RABGAP1L: variants seen among roughly 807,000 people sequenced by gnomAD.
The protein encoded by RABGAP1L is rab GTPase-activating protein 1-like.
RABGAP1L carries 63 observed loss-of-function variants against 137.7 expected under a neutral mutation model. The observed-to-expected ratio is 0.46, with a 90% CI of 0.37 to 0.56. The LOEUF (loss-of-function observed/expected upper bound fraction) is 0.56. Among genes scored for constraint, RABGAP1L ranks in the 20% least tolerant of loss-of-function variants. RABGAP1L has a pLI of 0.00. For synonymous variants in RABGAP1L, 431 were observed against 433.7 expected, an observed-to-expected ratio of 0.99 and a Z score of 0.08; for missense variants, 1,095 against 1,244.0, an observed-to-expected ratio of 0.88 and a Z score of 1.80.
intron 13 of RABGAP1L, among the ~76,000 whole-genome samples, chr1:174,436,861 T>C (rs1184111619): frequency 6.6e-6 from 1 of 152,108 alleles, no homozygotes; most frequent in African/African-American, 2.4e-5. Context: ...GGTACTCCTC[T>C]GAGACAAAAC....
intron 12 of RABGAP1L, among the ~76,000 whole-genome samples, chr1:174,373,313 A>G (rs1031926937): frequency 1.3e-5 from 2 of 152,222 alleles, no homozygotes; most frequent in African/African-American, 4.8e-5. Flanking sequence ...AAGCATTTTA[A>G]TGCAGATAAT....
intron 18 of RABGAP1L, among the ~76,000 whole-genome samples, chr1:174,793,147 A>G (rs2148802655): frequency 6.6e-6 from 1 of 152,106 alleles, no homozygotes; most frequent in Non-Finnish European, 1.5e-5. Flanking sequence ...AAAAAAGAAA[A>G]AAAGAAAAAG....
At chr1:174,818,953 G>A (rs1573349313) in intron 19 of RABGAP1L, among the ~76,000 whole-genome samples, 2 of 151,990 alleles carry the variant, frequency 1.3e-5, no homozygotes, top group Non-Finnish European at 2.9e-5. Flanking sequence ...GGAGGCATGG[G>A]TTGCAGTGAG....
intron 7 of RABGAP1L, among the ~76,000 whole-genome samples, chr1:174,264,210 G>A (rs1458831682): frequency 6.6e-6 from 1 of 151,188 alleles, no homozygotes; most frequent in African/African-American, 2.4e-5. Context: ...TTATTTCCCT[G>A]GTATTTTTTA....
At chr1:174,622,556 G>T (rs577036400) in intron 13 of RABGAP1L, among the ~76,000 whole-genome samples, 46 of 152,172 alleles carry the variant, frequency 3.0e-4, no homozygotes, top group Non-Finnish European at 5.7e-4. Flanking sequence ...CCTTTGTAGG[G>T]ACATGGATGA....
At chr1:174,528,702 G>A (rs1045670597) in intron 13 of RABGAP1L, among the ~76,000 whole-genome samples, 3 of 150,984 alleles carry the variant, frequency 2.0e-5, no homozygotes, top group African/African-American at 7.3e-5. Context: ...ACCTTTTTAT[G>A]TTGTATCTGC....
Position 174,695,303 on chromosome 1 carries a change from TTTG to T in RABGAP1L, c.1900-4210_1900-4208del, listed in dbSNP as rs561583583. 5.9e-5 allele frequency among the ~76,000 whole-genome samples: 9 copies of T among 151,552 alleles called. No individual in the cohort carries two copies. The South Asian group carries it at 1.3e-3, about 21-fold the overall frequency. On this transcript the variant is annotated intron_variant, in intron 15 of 25. Coordinates refer to ENST00000681986, the MANE Select transcript of RABGAP1L (RefSeq NM_001366446.1). ...GCATGCCTAATGTCTTTTTATTCTTTTTGTTGTTGTTGTTTCTCCTCTGACTAT... is the reference window on the plus strand; with the variant it reads ...GCATGCCTAATGTCTTTTTATTCTTTTTGTTGTTGTTTCTCCTCTGACTAT...
chr1:174,596,045 T>C (rs1299960950), intron 13 of RABGAP1L, among the ~76,000 whole-genome samples: 5 of 110,792 alleles, frequency 4.5e-5, no homozygotes, highest in African/African-American at 2.0e-4. Context: ...AGGTGTGGGA[T>C]ATAGTCTCGT....
At chr1:174,696,923 G>A (rs1679303402) in intron 15 of RABGAP1L, among the ~76,000 whole-genome samples, 1 of 152,158 alleles carries the variant, frequency 6.6e-6, no homozygotes, top group Non-Finnish European at 1.5e-5. Context: ...GATGATTGCT[G>A]AAGGATGATT....
intron 18 of RABGAP1L, among the ~76,000 whole-genome samples, chr1:174,801,412 A>G (rs574612585): frequency 6.6e-6 from 1 of 152,180 alleles, no homozygotes; most frequent in Admixed American, 6.5e-5. Flanking sequence ...TCCCTTCACT[A>G]TAATTCATCT....
At position 174,654,870 on chromosome 1, in the gene RABGAP1L, A is replaced by T. The variant is rs375698227; in HGVS notation, c.1824+17382A>T. Among the ~76,000 whole-genome samples the T allele has an allele frequency of 2.1e-4, 32 of 152,286 alleles. 1 individual carries two copies. Among genetic ancestry groups the T allele is most frequent in the Admixed American group, 1.6e-3 (24 of 15,302 alleles). ...CTCCAGTGTTTATTTCACATCACTG[A>T]ATCTATTTTTAGAGCTTATGTTGAT... is the stretch of plus-strand genomic sequence containing the variant. On this transcript the variant is annotated intron_variant, in intron 14 of 25. Transcript: ENST00000681986.
At chr1:174,741,045 G>GTTTTT (rs60884941) in intron 17 of RABGAP1L, among the ~76,000 whole-genome samples, 2 of 119,890 alleles carry the variant, frequency 1.7e-5, no homozygotes, top group Non-Finnish European at 1.9e-5. Context: ...TTTTTGTTTT[G>GTTTTT]TTTTTTTTTT....
At chr1:174,449,337 C>CTT in intron 13 of RABGAP1L, 1 of 675,770 alleles carries the variant, frequency 1.5e-6, no homozygotes. Context: ...AGGTTTCTCT[C>CTT]TTTTTTTTTC....
At chr1:174,248,506 C>T (rs1288081414) in intron 5 of RABGAP1L, among the ~76,000 whole-genome samples, 1 of 152,066 alleles carries the variant, frequency 6.6e-6, no homozygotes. Context: ...AAATATGGTG[C>T]TACTGCAGAA....
At chr1:174,940,517 A>C (rs555250105) in intron 19 of RABGAP1L, among the ~76,000 whole-genome samples, 22 of 151,984 alleles carry the variant, frequency 1.4e-4, no homozygotes, top group Non-Finnish European at 2.8e-4. Context: ...AGCTCAAGTG[A>C]TCCTTTCATC....
chr1:174,178,714 C>T (rs1247878734), intron 1 of RABGAP1L, among the ~76,000 whole-genome samples: 1 of 152,128 alleles, frequency 6.6e-6, no homozygotes, highest in African/African-American at 2.4e-5. Flanking sequence ...CCATCATTCT[C>T]AACAAACTAA....
At chr1:174,521,441 AT>A (rs978960288) in intron 13 of RABGAP1L, among the ~76,000 whole-genome samples, 2 of 152,228 alleles carry the variant, frequency 1.3e-5, no homozygotes, top group African/African-American at 4.8e-5. Flanking sequence ...TTAGAATCAG[AT>A]TTTTTGCTTC....
At chr1:174,921,786 T>TTA (rs1013389216) in intron 19 of RABGAP1L, among the ~76,000 whole-genome samples, 1 of 152,092 alleles carries the variant, frequency 6.6e-6, no homozygotes, top group African/African-American at 2.4e-5. Flanking sequence ...TTGTCTTGTG[T>TTA]TATATATATA....
At chr1:174,438,082 A>G (rs890981902) in intron 13 of RABGAP1L, among the ~76,000 whole-genome samples, 1 of 152,192 alleles carries the variant, frequency 6.6e-6, no homozygotes, top group Non-Finnish European at 1.5e-5. Flanking sequence ...CTAAACATGG[A>G]AAGGAACAAC....
Sources: gnomAD v4.1 joint callset for allele counts (sites outside exome capture counted in the v4.1 genomes callset) on GRCh38, gnomAD v4.1.1 for gene constraint, MANE v1.5 for transcripts, NCBI Gene and HGNC (gene_info 2026-07-23, HGNC 2026-07-21) for gene names.